Variants in FRRS1 observed in about 807,000 individuals in gnomAD.
FRRS1 encodes ferric reductase 1.
FRRS1 carries 51 observed loss-of-function variants against 70.7 expected under a neutral mutation model. The ratio of observed to expected loss-of-function variants is 0.72; its 90% CI spans 0.58 to 0.91. The LOEUF (loss-of-function observed/expected upper bound fraction) is 0.91, where lower values mean the gene tolerates loss of function less well. FRRS1 is among the 40% of genes least tolerant of loss of function. FRRS1 has a pLI of 0.00. For missense variants in FRRS1, 672 were observed against 726.0 expected (o/e 0.93, Z 0.86); for synonymous variants, 225 against 238.7 (o/e 0.94, Z 0.53).
intron 4 of FRRS1, 133 bp from the exon 5 acceptor site, chr1:99,742,406 A>G (rs1656015096): frequency 3.3e-6 from 2 of 605,234 alleles, no homozygotes; most frequent in Non-Finnish European, 5.9e-6. Context: ...TATTTAGAAG[A>G]AGGACTCAGG....
Position 99,728,596 on chromosome 1 carries a change from C to A in FRRS1, c.903G>T (p.Met301Ile). 6.2e-7 allele frequency: 1 copy of A among 1,613,964 alleles called. No homozygotes were observed. The highest frequency in any genetic ancestry group is 8.5e-7 in the Non-Finnish European group (1 of 1,179,876). Residue 301 changes from methionine (M) to isoleucine (I), a missense_variant, in exon 9 of 17, where the codon ATG becomes ATT. Met to Ile is a conservative substitution (Grantham distance 10, BLOSUM62 1). Transcript: ENST00000646001. ...DMAWRLADGV[M>I]QCSFRRNITL... ...TAATGTTTCTTCTGAAAGAACACTG[C>A]ATAACACCGTCCGCCAACCTCCAAG...
intron 1 of FRRS1, among the ~76,000 whole-genome samples, chr1:99,753,447 A>G (rs1656674755): frequency 6.6e-6 from 1 of 151,952 alleles, no homozygotes. Flanking sequence ...CTATCTGCAA[A>G]GCACAACAAA....
In FRRS1 at chr1:99,703,997, A is replaced by C. The variant is rs1436841126; in HGVS notation, c.*5031T>G. ...CTGCGTCTGCTTTATTTTATTCAGC[A>C]TAATGTTTTCAAGATGAATATCAAA... On this transcript the variant is annotated 3_prime_UTR_variant, in exon 17 of 17. Transcript: ENST00000646001. Among the ~76,000 whole-genome samples, 1 of 152,200 alleles carries C rather than the reference A, an allele frequency of 6.6e-6. No individual in the cohort carries two copies. The highest frequency in any genetic ancestry group is 1.5e-5 in the Non-Finnish European group (1 of 68,032).
At chr1:99,744,257 A>T (rs1216748980) in intron 4 of FRRS1, among the ~76,000 whole-genome samples, 1 of 152,228 alleles carries the variant, frequency 6.6e-6, no homozygotes, top group Non-Finnish European at 1.5e-5. Flanking sequence ...AAGAAAAAGC[A>T]AAGTCATTAT....
At chr1:99,749,036 G>A in intron 1 of FRRS1, 35 bp from the exon 2 acceptor site, 1 of 289,822 alleles carries the variant, frequency 3.5e-6, no homozygotes, top group Non-Finnish European at 6.4e-6. Flanking sequence ...TCTTTTCAAT[G>A]CTGTTTTTTT....
Position 99,710,842 on chromosome 1 carries a change from C to A in FRRS1, c.1588G>T (p.Val530Phe), listed in dbSNP as rs1337154020. The A allele has an allele frequency of 6.2e-7, 1 of 1,613,982 alleles. No individual in the cohort carries two copies. Among genetic ancestry groups the A allele is most frequent in the Non-Finnish European group, 8.5e-7 (1 of 1,179,936 alleles). Residue 530 changes from valine (V) to phenylalanine (F), a missense_variant, in exon 15 of 17, where the codon GTT (valine) becomes TTT (phenylalanine). Transcript: ENST00000646001. ...AGCCGATAAGCATGTACCTCCAGAA[C>A]AACCTCAGTCCCAACATGCCAGGCT... ...FVAWHVGTEV[V>F]LEVHAYRLSR...
chr1:99,735,694 C>T (rs932879558), intron 7 of FRRS1, among the ~76,000 whole-genome samples: 1 of 152,072 alleles, frequency 6.6e-6, no homozygotes, highest in African/African-American at 2.4e-5. Context: ...TTGAGGAGTA[C>T]TATACTGGAA....
chr1:99,718,082 T>C (rs1654621192), intron 10 of FRRS1, among the ~76,000 whole-genome samples: 1 of 152,208 alleles, frequency 6.6e-6, no homozygotes, highest in South Asian at 2.1e-4. Context: ...ATAAAGTTAC[T>C]TTCAAGCTTA....
At chr1:99,756,327 C>T (rs1656833422) in intron 1 of FRRS1, among the ~76,000 whole-genome samples, 1 of 152,046 alleles carries the variant, frequency 6.6e-6, no homozygotes, top group Non-Finnish European at 1.5e-5. Context: ...TAAAATATTC[C>T]CAAACCTGAT....
chr1:99,717,336 C>A, intron 11 of FRRS1, 74 bp downstream of exon 11: 1 of 978,920 alleles, frequency 1.0e-6, no homozygotes, highest in South Asian at 1.3e-5. Flanking sequence ...CACATACACA[C>A]ATACTTCATA....
At chr1:99,730,605 C>T (rs577270357) in intron 7 of FRRS1, among the ~76,000 whole-genome samples, 9 of 152,214 alleles carry the variant, frequency 5.9e-5, no homozygotes, top group East Asian at 3.9e-4. Flanking sequence ...AGGTGGCTCA[C>T]GCCTGTAGTC....
chr1:99,714,389 A>C (rs1245664934), intron 12 of FRRS1, among the ~76,000 whole-genome samples: 2 of 152,114 alleles, frequency 1.3e-5, no homozygotes, highest in Non-Finnish European at 2.9e-5. Flanking sequence ...TCACAATATC[A>C]GTCAGGCTGG....
At position 99,706,758 on chromosome 1, in the gene FRRS1, G is replaced by C. The variant is rs540757915; in HGVS notation, c.*2270C>G. ...AAAATATAAAAATTAGCCGAGACTG[G>C]TGGTGCACACCTGTAGTCCCAGCTA... On this transcript the variant is annotated 3_prime_UTR_variant, in exon 17 of 17. Transcript: ENST00000646001. Among the ~76,000 whole-genome samples the C allele has an allele frequency of 1.3e-5, 2 of 152,142 alleles. No individual in the cohort carries two copies. The highest frequency in any genetic ancestry group is 4.2e-4 in the South Asian group (2 of 4,808).
rs1314745514 is a variant in FRRS1, at chr1:99,705,021, G to T, written c.*4007C>A. On this transcript the variant is annotated 3_prime_UTR_variant, in exon 17 of 17. Transcript: ENST00000646001. ...GGGATACAGAAAGCCCTCTGTCCTT[G>T]CAATAAGGCAGGGGTCTAATTGAGC... is the stretch of plus-strand genomic sequence containing the variant. 6.6e-6 allele frequency among the ~76,000 whole-genome samples: 1 copy of T among 152,230 alleles called. No individual in the cohort carries two copies. The highest frequency in any genetic ancestry group is 2.4e-5 in the African/African-American group (1 of 41,462).
chr1:99,728,735 C>G, intron 8 of FRRS1, 95 bp from the exon 9 acceptor site: 1 of 1,052,692 alleles, frequency 9.5e-7, no homozygotes, highest in East Asian at 2.5e-5. Context: ...TTTCCTTTCT[C>G]TAAGATCGTA....
chr1:99,747,538 C>G (rs1656341669), intron 3 of FRRS1, 108 bp from the exon 4 acceptor site: 2 of 1,014,136 alleles, frequency 2.0e-6, no homozygotes, highest in Admixed American at 5.3e-5. Flanking sequence ...CAAAAGTACT[C>G]CTGGAGAGAA....
Position 99,748,776 on chromosome 1 carries a change from A to G in FRRS1, c.1-8T>C. On this transcript the variant is annotated splice_region_variant and splice_polypyrimidine_tract_variant and intron_variant, in intron 2 of 16. Transcript: ENST00000646001. ...AAATCCAGAAACTGCCATCTCAAAA[A>G]GAAGGGTAAAAGCCCATTATTGTCA... is the stretch of plus-strand genomic sequence containing the variant. 6.2e-7 allele frequency: 1 copy of G among 1,610,494 alleles called. No homozygotes were observed. The highest frequency in any genetic ancestry group is 2.2e-5 in the East Asian group (1 of 44,820).
chr1:99,763,539 T>G (rs1231242730), intron 1 of FRRS1, among the ~76,000 whole-genome samples: 3 of 152,186 alleles, frequency 2.0e-5, no homozygotes, highest in Non-Finnish European at 4.4e-5. Context: ...AAATTAAAAA[T>G]GTTTATCCTC....
intron 3 of FRRS1, chr1:99,747,722 T>C (rs1381681786): frequency 3.7e-6 from 1 of 269,020 alleles, no homozygotes; most frequent in Non-Finnish European, 7.1e-6. Flanking sequence ...AAATGCTAGA[T>C]GATACCAATT....
Sources: allele counts gnomAD v4.1 joint callset (sites outside exome capture counted in the v4.1 genomes callset), GRCh38; gene constraint gnomAD v4.1.1; transcripts MANE v1.5; gene names NCBI Gene and HGNC (gene_info 2026-07-23, HGNC 2026-07-21).